NCOA2: variants seen among roughly 807,000 people sequenced by gnomAD.
NCOA2 encodes nuclear receptor coactivator 2.
A neutral mutation model predicts 145.1 loss-of-function variants in NCOA2; 21 were observed. That is an observed-to-expected ratio of 0.14 (90% confidence interval 0.10 to 0.21). The LOEUF (loss-of-function observed/expected upper bound fraction) is 0.21. NCOA2 is among the 10% of genes least tolerant of loss of function. The pLI is 1.00. For synonymous variants in NCOA2, 619 were observed against 637.5 expected, an observed-to-expected ratio of 0.97 and a Z score of 0.44; for missense variants, 1,472 against 1,837.6, an observed-to-expected ratio of 0.80 and a Z score of 3.64.
chr8:70,372,155 A>C (rs1811284250), intron 1 of NCOA2, among the ~76,000 whole-genome samples: 1 of 152,178 alleles, frequency 6.6e-6, no homozygotes, highest in Admixed American at 6.5e-5. Context: ...GACATAAAAT[A>C]CATTTATTTT....
rs148952590 is a variant in NCOA2, at chr8:70,270,515, A to G, written c.-20+26229T>C. Among the ~76,000 whole-genome samples, 725 of 152,102 alleles carry G rather than the reference A, an allele frequency of 4.8e-3. 19 individuals are homozygous for G. Among genetic ancestry groups the G allele is most frequent in the Admixed American group, 0.041 (633 of 15,276 alleles). ...GATGTACATCAAATCCTAAACCTGT[A>G]ATTTTGTTCAGCAGTGTCCCAGACA... On this transcript the variant is annotated intron_variant, in intron 2 of 22. Coordinates refer to ENST00000452400, the MANE Select transcript of NCOA2 (RefSeq NM_006540.4).
At chr8:70,246,686 C>T (rs550233338) in intron 2 of NCOA2, among the ~76,000 whole-genome samples, 3 of 152,030 alleles carry the variant, frequency 2.0e-5, no homozygotes, top group Non-Finnish European at 2.9e-5. Context: ...CTTGCAAAAC[C>T]GAAACTCTAC....
chr8:70,146,394 T>C (rs560321414), intron 12 of NCOA2, among the ~76,000 whole-genome samples: 1 of 152,338 alleles, frequency 6.6e-6, no homozygotes, highest in African/African-American at 2.4e-5. Context: ...TATTACAAAT[T>C]ATAGTAACTT....
chr8:70,316,248 AAGTCTTATTAGATTT>A (rs1805577165), intron 1 of NCOA2, among the ~76,000 whole-genome samples: 2 of 152,224 alleles, frequency 1.3e-5, no homozygotes, highest in Admixed American at 1.3e-4. Flanking sequence ...GCTGAAAGCA[AAGTCTTATTAGATTT>A]GGAGACTGAA....
chr8:70,324,969 A>G (rs1408138429), intron 1 of NCOA2, among the ~76,000 whole-genome samples: 2 of 152,170 alleles, frequency 1.3e-5, no homozygotes, highest in African/African-American at 4.8e-5. Context: ...CCATGAAGTA[A>G]CTTCTCTTAG....
intron 4 of NCOA2, among the ~76,000 whole-genome samples, chr8:70,184,204 G>C (rs528867278): frequency 1.3e-5 from 2 of 152,110 alleles, no homozygotes; most frequent in Admixed American, 6.5e-5. Flanking sequence ...AGTCACCAAG[G>C]CTTTCTCTAC....
chr8:70,174,707 G>A, intron 5 of NCOA2, 49 bp downstream of exon 5: 1 of 1,471,094 alleles, frequency 6.8e-7, no homozygotes, highest in African/African-American at 1.4e-5. Context: ...GTAATAATGT[G>A]AAGATCAACA....
At chr8:70,295,958 G>T (rs911516642) in intron 2 of NCOA2, among the ~76,000 whole-genome samples, 4 of 152,074 alleles carry the variant, frequency 2.6e-5, no homozygotes, top group African/African-American at 9.7e-5. Context: ...AACAAAAAAT[G>T]AAATAAGCTT....
chr8:70,240,150 A>C (rs1352333904), intron 2 of NCOA2, among the ~76,000 whole-genome samples: 1 of 152,218 alleles, frequency 6.6e-6, no homozygotes, highest in African/African-American at 2.4e-5. Context: ...TTGAACCTCC[A>C]GATAATAACA....
chr8:70,160,119 T>C (rs575737244), intron 9 of NCOA2, among the ~76,000 whole-genome samples: 1 of 152,228 alleles, frequency 6.6e-6, no homozygotes, highest in Non-Finnish European at 1.5e-5. Flanking sequence ...TCTCTGAATA[T>C]TCATCTAGAA....
At chr8:70,289,957 C>T (rs1826535055) in intron 2 of NCOA2, among the ~76,000 whole-genome samples, 1 of 152,202 alleles carries the variant, frequency 6.6e-6, no homozygotes, top group South Asian at 2.1e-4. Context: ...CCTCAAGGCT[C>T]CTGAGTAGCT....
intron 2 of NCOA2, among the ~76,000 whole-genome samples, chr8:70,257,503 G>T (rs1823728549): frequency 6.6e-6 from 1 of 152,208 alleles, no homozygotes; most frequent in Admixed American, 6.5e-5. Context: ...GTAAGATGAT[G>T]ATAAGCACTA....
chr8:70,287,489 T>C (rs1243250178), intron 2 of NCOA2, among the ~76,000 whole-genome samples: 2 of 152,232 alleles, frequency 1.3e-5, no homozygotes, highest in Non-Finnish European at 2.9e-5. Context: ...AATTACTTTT[T>C]AAGAATTTTT....
chr8:70,233,724 T>C (rs1312474609), intron 2 of NCOA2, among the ~76,000 whole-genome samples: 1 of 152,230 alleles, frequency 6.6e-6, no homozygotes, highest in African/African-American at 2.4e-5. Flanking sequence ...CACAACAATC[T>C]ATAGGTCCTC....
At chr8:70,231,236 T>C (rs1821103713) in intron 2 of NCOA2, among the ~76,000 whole-genome samples, 1 of 152,254 alleles carries the variant, frequency 6.6e-6, no homozygotes, top group South Asian at 2.1e-4. Flanking sequence ...GTTTTAAAAA[T>C]GCTTTGCTAA....
intron 1 of NCOA2, among the ~76,000 whole-genome samples, chr8:70,384,749 T>A (rs1392743688): frequency 6.6e-6 from 1 of 152,162 alleles, no homozygotes; most frequent in African/African-American, 2.4e-5. Flanking sequence ...TTCCCTTCAA[T>A]CTTCTCTGTA....
chr8:70,424,509 C>T, the NCOA2 span: 1 of 528,872 alleles, frequency 1.9e-6, no homozygotes. Flanking sequence ...CTATTTTCTG[C>T]CAACATGGAT....
intron 2 of NCOA2, among the ~76,000 whole-genome samples, chr8:70,241,078 C>A (rs1233519374): frequency 6.6e-6 from 1 of 152,012 alleles, no homozygotes; most frequent in Non-Finnish European, 1.5e-5. Flanking sequence ...GGTCTGTATA[C>A]CTTCCTCCTC....
chr8:70,252,241 A>G (rs974546538), intron 2 of NCOA2, among the ~76,000 whole-genome samples: 4 of 152,160 alleles, frequency 2.6e-5, no homozygotes, highest in Non-Finnish European at 5.9e-5. Context: ...TTAAGTCAAT[A>G]AGTAACTGAA....
Sources: gnomAD v4.1 joint callset for allele counts (sites outside exome capture counted in the v4.1 genomes callset) on GRCh38, gnomAD v4.1.1 for gene constraint, MANE v1.5 for transcripts, NCBI Gene and HGNC (gene_info 2026-07-23, HGNC 2026-07-21) for gene names.